HCN1: variants seen among roughly 807,000 people sequenced by gnomAD.
HCN1 encodes hyperpolarization activated cyclic nucleotide gated potassium channel 1, also known as potassium/sodium hyperpolarization-activated cyclic nucleotide-gated channel 1.
A neutral mutation model predicts 78.9 loss-of-function variants in HCN1; 13 were observed. The ratio of observed to expected loss-of-function variants is 0.16; its 90% CI spans 0.11 to 0.26. HCN1 has a LOEUF of 0.26. HCN1 is among the 10% of genes least tolerant of loss of function. HCN1 has a pLI of 1.00. For synonymous variants in HCN1, 552 were observed against 455.5 expected, an observed-to-expected ratio of 1.21 and a Z score of -2.70; for missense variants, 810 against 1,154.3, an observed-to-expected ratio of 0.70 and a Z score of 4.32.
intron 2 of HCN1, among the ~76,000 whole-genome samples, chr5:45,608,547 T>C (rs1405570260): frequency 6.6e-6 from 1 of 151,956 alleles, no homozygotes; most frequent in Non-Finnish European, 1.5e-5. Context: ...GTTAGTTTGG[T>C]GTTAGCACAC....
In HCN1 at chr5:45,348,446, A is replaced by G. The variant is rs563158596; in HGVS notation, c.1377+4654T>C. 1.9e-3 allele frequency among the ~76,000 whole-genome samples: 292 copies of G among 152,318 alleles called. 1 individual carries two copies. The highest frequency in any genetic ancestry group is 6.9e-3 in the African/African-American group (288 of 41,594). ...TGCAAAGGCCATCAAGGCTAGGAAG[A>G]AACTGCATCAACTAACAAGCAAAAT... is the stretch of plus-strand genomic sequence containing the variant. On this transcript the variant is annotated intron_variant, in intron 5 of 7. Transcript: ENST00000303230.
intron 6 of HCN1, among the ~76,000 whole-genome samples, chr5:45,278,367 G>A (rs570908361): frequency 1.7e-4 from 26 of 152,142 alleles, no homozygotes; most frequent in Non-Finnish European, 2.9e-4. Context: ...CATAGAGGAC[G>A]ACTGGGAATC....
At chr5:45,372,091 ATATATATTTTATATATAATATAAT>A (rs1747394250) in intron 4 of HCN1, among the ~76,000 whole-genome samples, 16 of 58,756 alleles carry the variant, frequency 2.7e-4, no homozygotes, top group Non-Finnish European at 5.3e-5. Flanking sequence ...ATATAATTAT[ATATATATTTTATATATAATATAAT>A]TATATATTAT....
intron 3 of HCN1, among the ~76,000 whole-genome samples, chr5:45,445,136 G>C (rs1371291692): frequency 6.6e-6 from 1 of 152,200 alleles, no homozygotes; most frequent in Non-Finnish European, 1.5e-5. Context: ...CCTAGTCAAA[G>C]AAAGGGGTGA....
chr5:45,373,388 GT>G (rs536656479), intron 4 of HCN1, among the ~76,000 whole-genome samples: 44 of 104,404 alleles, frequency 4.2e-4, no homozygotes, highest in South Asian at 2.8e-3. Flanking sequence ...TATAATATAT[GT>G]AAATATATAT....
At chr5:45,304,380 T>A (rs552772314) in intron 5 of HCN1, among the ~76,000 whole-genome samples, 1 of 151,846 alleles carries the variant, frequency 6.6e-6, no homozygotes, top group South Asian at 2.1e-4. Context: ...GAAACTCTAA[T>A]CTAAAAGTAT....
At chr5:45,311,958 C>A (rs1339621639) in intron 5 of HCN1, among the ~76,000 whole-genome samples, 1 of 152,178 alleles carries the variant, frequency 6.6e-6, no homozygotes, top group Admixed American at 6.5e-5. Flanking sequence ...ACTATTTCCT[C>A]AAATATTTCA....
chr5:45,374,497 A>T (rs116254891), intron 4 of HCN1, among the ~76,000 whole-genome samples: 2,397 of 149,888 alleles, frequency 0.016, 68 homozygotes, highest in African/African-American at 0.056. Context: ...TCAAAATTCA[A>T]TCAGTAATAA....
chr5:45,686,123 A>T (rs12697473), intron 1 of HCN1, among the ~76,000 whole-genome samples: 39,995 of 150,828 alleles, frequency 0.27, 5,370 homozygotes, highest in East Asian at 0.31. Flanking sequence ...ATATATATAT[A>T]TTTTTTTCTA....
chr5:45,415,967 G>A lies in HCN1; in HGVS notation c.1012-19257C>T, dbSNP rs1035494448. Among the ~76,000 whole-genome samples the A allele has an allele frequency of 7.9e-5, 12 of 151,954 alleles. 1 individual carries two copies. Among genetic ancestry groups the A allele is most frequent in the African/African-American group, 2.9e-4 (12 of 41,396 alleles). ...TATGTTGTAAGTTAAAAAGCCAGAT[G>A]TCTTCATCTGAGCCACAAAAGAAAC... On this transcript the variant is annotated intron_variant, in intron 3 of 7. Transcript: ENST00000303230.
At chr5:45,398,121 G>A (rs1363645494) in intron 3 of HCN1, among the ~76,000 whole-genome samples, 1 of 151,790 alleles carries the variant, frequency 6.6e-6, no homozygotes, top group Non-Finnish European at 1.5e-5. Context: ...GAGTACATTT[G>A]GAGCTGATGA....
intron 2 of HCN1, among the ~76,000 whole-genome samples, chr5:45,598,721 GA>G (rs1182831573): frequency 2.0e-5 from 3 of 151,982 alleles, no homozygotes; most frequent in Non-Finnish European, 4.4e-5. Context: ...AAATTTACAA[GA>G]AAAAACCAAC....
At chr5:45,334,357 C>G (rs1746407995) in intron 5 of HCN1, among the ~76,000 whole-genome samples, 1 of 151,620 alleles carries the variant, frequency 6.6e-6, no homozygotes, top group African/African-American at 2.4e-5. Flanking sequence ...CATGTGCTTC[C>G]AAATTTAGTG....
intron 2 of HCN1, among the ~76,000 whole-genome samples, chr5:45,585,457 T>G (rs968142246): frequency 6.6e-6 from 1 of 152,214 alleles, no homozygotes; most frequent in Non-Finnish European, 1.5e-5. Context: ...TTTTAACTTC[T>G]TTGCCAAGGG....
rs1023637465 is a variant in HCN1 at position 45,462,077 on chromosome 5, T to C, written c.850-70A>G. On this transcript the variant is annotated intron_variant, in intron 2 of 7. Coordinates refer to ENST00000303230, the MANE Select transcript of HCN1 (RefSeq NM_021072.4). ...GAAAAATCAAGCATACTACTGATAG[T>C]AGGCATTGATGTTGTGTAGCGTAAG... The C allele has an allele frequency of 2.2e-5, 26 of 1,167,172 alleles. 1 individual carries two copies. In the African/African-American group the frequency reaches 3.1e-4, roughly 14 times the overall value. The allele number at this position is 1,167,172 out of a possible 1,614,324, so 72.3% of individuals were successfully genotyped here.
chr5:45,399,969 CTT>C lies in HCN1; in HGVS notation c.1012-3261_1012-3260del, dbSNP rs2112043797. Among the ~76,000 whole-genome samples, 2 of 152,192 alleles carry C rather than the reference CTT, an allele frequency of 1.3e-5. 1 individual carries two copies. Among genetic ancestry groups the C allele is most frequent in the Admixed American group, 1.3e-4 (2 of 15,290 alleles). On this transcript the variant is annotated intron_variant, in intron 3 of 7. Transcript: ENST00000303230. The stretch of plus-strand genomic sequence containing the variant: ...GGAGAATGAGCAAATTTATACTTTA[CTT>C]TATCAGTGAAAATGTATAATACTCA...
intron 2 of HCN1, among the ~76,000 whole-genome samples, chr5:45,547,678 T>A (rs1174049366): frequency 6.6e-6 from 1 of 151,980 alleles, no homozygotes; most frequent in Non-Finnish European, 1.5e-5. Flanking sequence ...TGTACTGCAA[T>A]TTTTTAGGTT....
chr5:45,289,817 C>T (rs1745335924), intron 6 of HCN1, among the ~76,000 whole-genome samples: 1 of 151,982 alleles, frequency 6.6e-6, no homozygotes, highest in South Asian at 2.1e-4. Context: ...GTTCTGGAGC[C>T]TCAAAGTTCA....
intron 2 of HCN1, among the ~76,000 whole-genome samples, chr5:45,465,553 G>A (rs897836829): frequency 2.0e-5 from 3 of 151,960 alleles, no homozygotes; most frequent in Non-Finnish European, 4.4e-5. Context: ...TCAGGAGTTC[G>A]AGACCAGCCT....
Sources: gnomAD v4.1 joint callset for allele counts (sites outside exome capture counted in the v4.1 genomes callset) on GRCh38, gnomAD v4.1.1 for gene constraint, MANE v1.5 for transcripts, NCBI Gene and HGNC (gene_info 2026-07-23, HGNC 2026-07-21) for gene names.